The following COL25A1 variants were observed in gnomAD, a reference collection of about 807,000 sequenced individuals.
COL25A1 encodes collagen alpha-1(XXV) chain.
In COL25A1, 103 loss-of-function variants were observed where a neutral mutation model predicts 128.4. The observed-to-expected ratio is 0.80, with a 90% CI of 0.68 to 0.94. The LOEUF is 0.94. COL25A1 is among the 40% of genes least tolerant of loss of function. The probability of loss-of-function intolerance (pLI) is 0.00; values close to 1 mark genes in which losing one functional copy is unlikely to be tolerated. For synonymous variants in COL25A1, 279 were observed against 277.2 expected (o/e 1.01, Z -0.06); for missense variants, 745 against 840.0 (o/e 0.89, Z 1.40).
intron 31 of COL25A1, chr4:108,834,531 T>C (rs534755041): frequency 1.2e-5 from 8 of 648,108 alleles, no homozygotes; most frequent in African/African-American, 1.1e-4. Flanking sequence ...GAATATCACA[T>C]TGCTACAAAT....
chr4:109,199,442 G>A (rs1046279571), intron 3 of COL25A1, among the ~76,000 whole-genome samples: 23 of 152,050 alleles, frequency 1.5e-4, no homozygotes, highest in African/African-American at 5.3e-4. Flanking sequence ...ACCGTGCCCA[G>A]TCAAAATTGG....
chr4:108,892,987 C>T (rs1578680577), intron 16 of COL25A1, among the ~76,000 whole-genome samples: 1 of 152,062 alleles, frequency 6.6e-6, no homozygotes, highest in South Asian at 2.1e-4. Flanking sequence ...AGGGAAGGCC[C>T]GGCACCAATT....
intron 32 of COL25A1, among the ~76,000 whole-genome samples, chr4:108,831,787 C>G (rs575719939): frequency 1.3e-5 from 2 of 151,366 alleles, no homozygotes; most frequent in Admixed American, 1.3e-4. Flanking sequence ...TTCTGAATGT[C>G]TTTTTTCCCC....
At chr4:109,264,380 A>T (rs1450546469) in intron 3 of COL25A1, among the ~76,000 whole-genome samples, 1 of 152,230 alleles carries the variant, frequency 6.6e-6, no homozygotes, top group African/African-American at 2.4e-5. Flanking sequence ...CGTGGAGAAC[A>T]TACTGGAGAA....
chr4:109,065,999 C>T (rs1184715761), intron 3 of COL25A1, among the ~76,000 whole-genome samples: 2 of 152,166 alleles, frequency 1.3e-5, no homozygotes, highest in African/African-American at 2.4e-5. Flanking sequence ...AGCAGAGCCC[C>T]ATCAAAGTCT....
intron 6 of COL25A1, among the ~76,000 whole-genome samples, chr4:108,983,529 C>CAGT (rs1753254479): frequency 6.6e-6 from 1 of 152,202 alleles, no homozygotes; most frequent in Non-Finnish European, 1.5e-5. Context: ...GCTTCATTTG[C>CAGT]AGTAGTATTG....
chr4:109,118,100 T>C (rs1767772530), intron 3 of COL25A1, among the ~76,000 whole-genome samples: 1 of 151,818 alleles, frequency 6.6e-6, no homozygotes, highest in African/African-American at 2.4e-5. Context: ...GTGGTCGAAA[T>C]ACAGCAATTA....
At chr4:109,071,074 A>G (rs1349798579) in intron 3 of COL25A1, among the ~76,000 whole-genome samples, 2 of 151,850 alleles carry the variant, frequency 1.3e-5, no homozygotes, top group African/African-American at 4.8e-5. Context: ...AACCAAAACA[A>G]CATGGTACTG....
intron 19 of COL25A1, among the ~76,000 whole-genome samples, chr4:108,874,928 T>A (rs891788713): frequency 6.6e-6 from 1 of 152,218 alleles, no homozygotes; most frequent in Non-Finnish European, 1.5e-5. Flanking sequence ...TTCACAGATA[T>A]TCCACATTCT....
intron 3 of COL25A1, among the ~76,000 whole-genome samples, chr4:109,094,772 T>C (rs1765249205): frequency 6.6e-6 from 1 of 152,222 alleles, no homozygotes; most frequent in African/African-American, 2.4e-5. Flanking sequence ...TGATGATTAG[T>C]TTGCAAATGT....
chr4:109,084,149 G>C (rs534754168), intron 3 of COL25A1, among the ~76,000 whole-genome samples: 1 of 152,166 alleles, frequency 6.6e-6, no homozygotes, highest in East Asian at 1.9e-4. Flanking sequence ...CTGTCTTAGA[G>C]AATAAAACAG....
chr4:109,014,891 A>G (rs1757071737), intron 5 of COL25A1, among the ~76,000 whole-genome samples: 1 of 152,042 alleles, frequency 6.6e-6, no homozygotes, highest in South Asian at 2.1e-4. Flanking sequence ...AGTCCTTACC[A>G]CTCTTCTATG....
At chr4:109,115,876 A>G (rs143649727) in intron 3 of COL25A1, among the ~76,000 whole-genome samples, 2 of 152,018 alleles carry the variant, frequency 1.3e-5, no homozygotes, top group East Asian at 3.9e-4. Flanking sequence ...ACTGCACATG[A>G]AACACCCCCT....
intron 31 of COL25A1, 93 bp downstream of exon 31, chr4:108,841,602 A>C: frequency 9.6e-7 from 1 of 1,042,140 alleles, no homozygotes. Flanking sequence ...TTACTTGACA[A>C]ATAAATAAGA....
chr4:109,048,011 C>T (rs1449934068), intron 5 of COL25A1, among the ~76,000 whole-genome samples, 157 bp downstream of exon 5: 2 of 152,032 alleles, frequency 1.3e-5, no homozygotes, highest in Non-Finnish European at 1.5e-5. Flanking sequence ...GGATTACAGG[C>T]GTGAGCCACC....
At chr4:109,024,829 G>A (rs924873830) in intron 5 of COL25A1, among the ~76,000 whole-genome samples, 2 of 152,098 alleles carry the variant, frequency 1.3e-5, no homozygotes, top group African/African-American at 4.8e-5. Context: ...GTTGCAAAAT[G>A]CTTAAGATAT....
At chr4:108,861,143 A>T (rs1473812119) in intron 22 of COL25A1, among the ~76,000 whole-genome samples, 172 bp from the exon 23 acceptor site, 2 of 152,204 alleles carry the variant, frequency 1.3e-5, no homozygotes, top group African/African-American at 4.8e-5. Context: ...CAGCTTGAAA[A>T]GAACTAAAAT....
intron 19 of COL25A1, among the ~76,000 whole-genome samples, chr4:108,880,541 A>G (rs1357769922): frequency 6.6e-6 from 1 of 152,232 alleles, no homozygotes; most frequent in Non-Finnish European, 1.5e-5. Flanking sequence ...AGAAAGAGAT[A>G]ACAATAATCA....
rs568952051 is a variant in COL25A1, at chr4:109,233,434, G to A, written c.367+67149C>T. Among the ~76,000 whole-genome samples, 15 of 152,146 alleles carry A rather than the reference G, an allele frequency of 9.9e-5. No individual in the cohort carries two copies. The South Asian group carries it at 2.9e-3, about 29-fold the overall frequency. ...AACTATCTTACCTCACAAACATCAG[G>A]AAACAGAGATATTGAAAGACAGTGA... On this transcript the variant is annotated intron_variant, in intron 3 of 37. Coordinates refer to ENST00000399132, the MANE Select transcript of COL25A1 (RefSeq NM_198721.4).
Sources: gnomAD v4.1 joint callset for allele counts (sites outside exome capture counted in the v4.1 genomes callset) on GRCh38, gnomAD v4.1.1 for gene constraint, MANE v1.5 for transcripts, NCBI Gene and HGNC (gene_info 2026-07-23, HGNC 2026-07-21) for gene names.